RYR2: variants seen among roughly 807,000 people sequenced by gnomAD.
The protein encoded by RYR2 is cardiac muscle ryanodine receptor-calcium release channel.
RYR2 carries 227 observed loss-of-function variants against 601.1 expected under a neutral mutation model. The ratio of observed to expected loss-of-function variants is 0.38; its 90% confidence interval spans 0.34 to 0.42. The LOEUF is 0.42. Ranked by LOEUF, RYR2 falls within the 10% of genes least tolerant of loss-of-function variation. RYR2 has a pLI of 1.00. For missense variants in RYR2, 4,646 were observed against 6,156.5 expected, an observed-to-expected ratio of 0.75 and a Z score of 8.21; for synonymous variants, 2,223 against 2,175.1, an observed-to-expected ratio of 1.02 and a Z score of -0.61.
At chr1:237,243,149 G>T (rs1457006025) in intron 1 of RYR2, among the ~76,000 whole-genome samples, 1 of 151,872 alleles carries the variant, frequency 6.6e-6, no homozygotes, top group Non-Finnish European at 1.5e-5. Flanking sequence ...GGGGTCAGGG[G>T]AGGGGTTCCC....
intron 40 of RYR2, among the ~76,000 whole-genome samples, chr1:237,626,604 T>TTTTTTTTTTTTG: frequency 7.5e-6 from 1 of 132,734 alleles, no homozygotes; most frequent in Non-Finnish European, 1.6e-5. Context: ...TTTTTTTTTT[T>TTTTTTTTTTTTG]TTTTTTTGAG....
intron 1 of RYR2, among the ~76,000 whole-genome samples, chr1:237,157,023 C>T (rs925959555): frequency 6.6e-6 from 1 of 152,056 alleles, no homozygotes; most frequent in Non-Finnish European, 1.5e-5. Context: ...GGGCCGGGCA[C>T]AGTGGCTCAC....
chr1:237,593,671 G>C, intron 33 of RYR2, 35 bp downstream of exon 33: 1 of 1,607,478 alleles, frequency 6.2e-7, no homozygotes, highest in Non-Finnish European at 8.5e-7. Flanking sequence ...AGAATGACAT[G>C]TGAAAAAAAT....
At position 237,106,668 on chromosome 1, in the gene RYR2, C is replaced by T. The variant is rs998059960; in HGVS notation, c.48+64099C>T. 2.0e-5 allele frequency among the ~76,000 whole-genome samples: 3 copies of T among 152,166 alleles called. No individual in the cohort carries two copies. The highest frequency in any genetic ancestry group is 4.4e-5 in the Non-Finnish European group (3 of 68,030). On this transcript the variant is annotated intron_variant, in intron 1 of 104. Coordinates refer to ENST00000366574, the MANE Select transcript of RYR2 (RefSeq NM_001035.3). This position sits in a 1 kb window ranked among gnomAD's most constrained non-coding sequence, Gnocchi z 4.4. Reference sequence around the variant, plus strand: ...TCAGTGTGATGTGTATACAGTGTCCCTTTTTCAGACATGGCACCTTCGTCC... The same window carrying T: ...TCAGTGTGATGTGTATACAGTGTCCTTTTTTCAGACATGGCACCTTCGTCC...
chr1:237,597,358 T>C (rs1446199375), intron 34 of RYR2, among the ~76,000 whole-genome samples: 2 of 151,432 alleles, frequency 1.3e-5, no homozygotes, highest in African/African-American at 4.9e-5. Flanking sequence ...CTTGGCTCAC[T>C]GCAACCTCTG....
At position 237,784,951 on chromosome 1, in the gene RYR2, T is replaced by C. The variant is rs745592409; in HGVS notation, c.13239T>C (p.Pro4413=). The change falls in exon 90 of 105, where the codon CCT becomes CCC. Residue 4413 remains proline, a synonymous_variant. Transcript: ENST00000366574. This position sits in a 1 kb window ranked among gnomAD's most constrained non-coding sequence, Gnocchi z 7.1. The stretch of plus-strand genomic sequence containing the variant: ...TCATGAGCAACCCAGTCCCCATGCC[T>C]GAGGTGCAGGAAAAATTTCAGGTAA... ...SDLMSNPVPM[P]EVQEKFQEQK... 1 of 1,596,516 alleles carries C rather than the reference T, an allele frequency of 6.3e-7. No homozygotes were observed. The highest frequency in any genetic ancestry group is 1.3e-5 in the African/African-American group (1 of 74,626).
chr1:237,177,116 T>G (rs1678141028), intron 1 of RYR2, among the ~76,000 whole-genome samples: 1 of 152,198 alleles, frequency 6.6e-6, no homozygotes, highest in South Asian at 2.1e-4. Context: ...AGCCTGGCTA[T>G]GGTCACTGTT....
intron 1 of RYR2, among the ~76,000 whole-genome samples, chr1:237,181,491 A>C (rs1678751722): frequency 6.6e-6 from 1 of 152,218 alleles, no homozygotes; most frequent in African/African-American, 2.4e-5. Flanking sequence ...ACTGTCACTC[A>C]AGAGACAGAC....
chr1:237,521,955 G>A (rs2618693), intron 24 of RYR2, among the ~76,000 whole-genome samples: 71,658 of 151,616 alleles, frequency 0.47, 17,239 homozygotes, highest in East Asian at 0.58. Context: ...TCTTCCACAC[G>A]TCCTCTTCTT....
At position 237,325,980 on chromosome 1, in the gene RYR2, T is replaced by G. The variant is rs146704495; in HGVS notation, c.169-4898T>G. ...TTTATTAGTATGCAGTTTTTACACA[T>G]AATAATGAGAAGGATGGTGGCTTAA... On this transcript the variant is annotated intron_variant, in intron 2 of 104. Coordinates refer to ENST00000366574, the MANE Select transcript of RYR2 (RefSeq NM_001035.3). 3.8e-3 allele frequency among the ~76,000 whole-genome samples: 585 copies of G among 152,284 alleles called. 2 individuals are homozygous for G. The highest frequency in any genetic ancestry group is 6.8e-3 in the Middle Eastern group (2 of 294).
At chr1:237,829,990 G>T (rs1663591755) in intron 102 of RYR2, 1 of 152,636 alleles carries the variant, frequency 6.6e-6, no homozygotes, top group African/African-American at 2.4e-5. Context: ...ACATCCACTG[G>T]CTAATTCTGT....
rs111824977 is a variant in RYR2 at position 237,824,506 on chromosome 1, C to G, written c.14591-3875C>G. Among the ~76,000 whole-genome samples the G allele has an allele frequency of 8.9e-3, 1,345 of 151,800 alleles. 23 individuals carry two copies. Among genetic ancestry groups the G allele is most frequent in the African/African-American group, 0.031 (1,273 of 41,346 alleles). ...TTCATGCTAAAAACTCTCAATAAAC[C>G]TAGGTATTGATGGAAGGTATCTGAA... On this transcript the variant is annotated intron_variant, in intron 101 of 104. Transcript: ENST00000366574.
chr1:237,582,814 G>A (rs912766360), intron 29 of RYR2, among the ~76,000 whole-genome samples: 1 of 152,018 alleles, frequency 6.6e-6, no homozygotes, highest in African/African-American at 2.4e-5. Context: ...CCAGTTCACT[G>A]TTGATGGGCA....
At chr1:237,049,547 C>CGA (rs1257564405) in intron 1 of RYR2, among the ~76,000 whole-genome samples, 134 of 152,236 alleles carry the variant, frequency 8.8e-4, no homozygotes, top group African/African-American at 2.8e-3. Context: ...TCAAACCATT[C>CGA]TGCAGGATGA....
intron 64 of RYR2, 78 bp from the exon 65 acceptor site, chr1:237,700,151 T>A (rs1486178922): frequency 2.1e-6 from 2 of 954,612 alleles, no homozygotes; most frequent in Non-Finnish European, 3.2e-6. Context: ...GAAATAAACA[T>A]CATAAGAGAA....
chr1:237,415,181 C>G (rs976791419), intron 10 of RYR2, among the ~76,000 whole-genome samples: 8 of 152,148 alleles, frequency 5.3e-5, no homozygotes, highest in Non-Finnish European at 1.2e-4. Flanking sequence ...GGCTTGGCTT[C>G]CCATTGCAAC....
chr1:237,083,445 C>T (rs1240741018), intron 1 of RYR2, among the ~76,000 whole-genome samples: 2 of 152,134 alleles, frequency 1.3e-5, no homozygotes, highest in Non-Finnish European at 2.9e-5. Flanking sequence ...AAACAAAAAA[C>T]ATGGGAGGGC....
Position 237,756,364 on chromosome 1 carries a change from TACAG to T in RYR2, c.11226_11229del (p.Thr3743SerfsTer12). Reference sequence around the variant, plus strand: ...GATCGTGGCGCGGCTGAGATGGTGCTACAGACAATCAGTGCCAGCAAAGGTAAGG... The same window carrying T: ...GATCGTGGCGCGGCTGAGATGGTGCTACAATCAGTGCCAGCAAAGGTAAGG... On this transcript the variant is annotated frameshift_variant, in exon 81 of 105. Transcript: ENST00000366574. LOFTEE classifies it high-confidence loss of function. 6.2e-7 allele frequency: 1 copy of T among 1,612,814 alleles called. No individual in the cohort carries two copies. Among genetic ancestry groups the T allele is most frequent in the Non-Finnish European group, 8.5e-7 (1 of 1,179,096 alleles).
intron 1 of RYR2, among the ~76,000 whole-genome samples, chr1:237,242,992 G>T (rs1450353870): frequency 6.6e-6 from 1 of 152,116 alleles, no homozygotes; most frequent in African/African-American, 2.4e-5. Context: ...ATTATAACTG[G>T]CCCCACTGTT....
Sources: allele counts gnomAD v4.1 joint callset (sites outside exome capture counted in the v4.1 genomes callset), GRCh38; gene constraint gnomAD v4.1.1; non-coding constraint Gnocchi (gnomAD v3.1); transcripts MANE v1.5; gene names NCBI Gene and HGNC (gene_info 2026-07-23, HGNC 2026-07-21).